Variants in TAF15 observed in about 807,000 individuals in gnomAD.
TAF15 encodes the protein TATA-box binding protein associated factor 15.
In TAF15, 37 loss-of-function variants were observed where a neutral mutation model predicts 102.5. The observed-to-expected ratio is 0.36, with a 90% CI of 0.28 to 0.47. The LOEUF (loss-of-function observed/expected upper bound fraction) is 0.47, where lower values mean the gene tolerates loss of function less well. TAF15 is among the 20% of genes least tolerant of loss of function. The probability of loss-of-function intolerance (pLI) is 0.99; values close to 1 mark genes in which losing one functional copy is unlikely to be tolerated. For synonymous variants in TAF15, 273 were observed against 259.2 expected (o/e 1.05, Z -0.51); for missense variants, 652 against 760.7 (o/e 0.86, Z 1.68).
chr17:35,834,240 A>T (rs2087442381), intron 8 of TAF15: 1 of 380,510 alleles, frequency 2.6e-6, no homozygotes, highest in Non-Finnish European at 4.6e-6. Context: ...ATTTGTTCTT[A>T]TAAAGGTAGC....
intron 11 of TAF15, among the ~76,000 whole-genome samples, chr17:35,841,875 T>A (rs2087552094): frequency 6.6e-6 from 1 of 152,056 alleles, no homozygotes; most frequent in Non-Finnish European, 1.5e-5. Context: ...TTAAAAAAAT[T>A]TTTTCAGAGA....
In TAF15 at chr17:35,822,643, A is replaced by G. The variant is rs1944877528; in HGVS notation, c.294A>G (p.Gln98=). 1.2e-6 allele frequency: 2 copies of G among 1,613,486 alleles called. No homozygotes were observed. The highest frequency in any genetic ancestry group is 1.3e-5 in the African/African-American group (1 of 74,922). The part of the protein sequence containing the change: ...QQQNMESSGS[Q]GGRAPSYDQP... ...TAAGTTCTCCATTTCTATTTAGCCAAGGTGGAAGAGCACCTTCCTATGACC... is the reference window on the plus strand; with the variant it reads ...TAAGTTCTCCATTTCTATTTAGCCAGGGTGGAAGAGCACCTTCCTATGACC... Residue 98 remains glutamine (Q), a synonymous_variant, in exon 6 of 16, where the codon CAA becomes CAG. Transcript: ENST00000605844.
At chr17:35,826,860 A>C (rs1409544815) in intron 7 of TAF15, among the ~76,000 whole-genome samples, 1 of 151,398 alleles carries the variant, frequency 6.6e-6, no homozygotes, top group African/African-American at 2.4e-5. Context: ...GCCTGGCTGA[A>C]GTTCATATTA....
In TAF15 at chr17:35,820,449, G is replaced by T. The variant is rs756614669; in HGVS notation, c.290+12G>T. 2 of 1,606,246 alleles carry T rather than the reference G, an allele frequency of 1.2e-6. No homozygotes were observed. Among genetic ancestry groups the T allele is most frequent in the African/African-American group, 2.7e-5 (2 of 74,710 alleles). ...GAATCATCAGGAAGGTAAGGAAATA[G>T]TAAAATACTGAGATTGTTTTGGGCA... On this transcript the variant is annotated intron_variant, in intron 5 of 15. Transcript: ENST00000605844.
chr17:35,816,071 C>T (rs775356220), intron 1 of TAF15, among the ~76,000 whole-genome samples: 5 of 152,148 alleles, frequency 3.3e-5, no homozygotes, highest in Non-Finnish European at 7.3e-5. Context: ...AAGCAGTACT[C>T]CTGTCCTGGC....
chr17:35,817,669 G>A (rs762808485), intron 1 of TAF15, 47 bp from the exon 2 acceptor site: 4 of 1,562,224 alleles, frequency 2.6e-6, no homozygotes, highest in African/African-American at 1.4e-5. Context: ...GCCTTTGAAG[G>A]AACCATAATT....
chr17:35,833,525 A>G (rs1160090237), intron 7 of TAF15: 1 of 174,366 alleles, frequency 5.7e-6, no homozygotes, highest in Non-Finnish European at 1.2e-5. Flanking sequence ...GTATTCTTCT[A>G]GTCTTTTTTC....
intron 1 of TAF15, among the ~76,000 whole-genome samples, chr17:35,816,046 C>A (rs374625371): frequency 1.3e-5 from 2 of 152,062 alleles, no homozygotes; most frequent in African/African-American, 4.8e-5. Context: ...ACTGCAGCCT[C>A]GACCTCCTGG....
At chr17:35,842,329 G>C (rs756245781) in intron 11 of TAF15, 38 bp from the exon 12 acceptor site, 6 of 1,491,232 alleles carry the variant, frequency 4.0e-6, no homozygotes, top group African/African-American at 1.4e-5. Flanking sequence ...TGGAGGTATA[G>C]AGTAGCATTG....
chr17:35,845,731 C>T (rs1254983086), intron 15 of TAF15, among the ~76,000 whole-genome samples: 1 of 152,212 alleles, frequency 6.6e-6, no homozygotes, highest in Admixed American at 6.5e-5. Context: ...TCGTGATCCA[C>T]CCGCCTCGGC....
Position 35,844,748 on chromosome 17 carries a change from A to T in TAF15, c.1449A>T (p.Arg483=). ...GDRGGGYGGD[R]GGYGGDRGGG... is the part of the protein sequence containing the mutation. ...GAGGAGGTGGCTATGGAGGAGATCG[A>T]GGTGGCTATGGAGGAGACCGAGGTG... The change falls in exon 15 of 16, where the codon CGA becomes CGT. Residue 483 remains arginine (R), a synonymous_variant. Transcript: ENST00000605844. The T allele has an allele frequency of 6.2e-7, 1 of 1,610,624 alleles. No homozygotes were observed. The highest frequency in any genetic ancestry group is 8.5e-7 in the Non-Finnish European group (1 of 1,178,726).
chr17:35,844,625 T>C lies in TAF15; in HGVS notation c.1326T>C (p.Ser442=), dbSNP rs868647545. 23 of 1,218,508 alleles carry C rather than the reference T, an allele frequency of 1.9e-5. No individual in the cohort carries two copies. Among genetic ancestry groups the C allele is most frequent in the Non-Finnish European group, 2.2e-5 (21 of 967,570 alleles). 75.5% of individuals were successfully genotyped at this position (1,218,508 alleles called of 1,614,324 possible). ...SSGGGYSGDR[S]GGGYGGDRSG... ...GTGGTGGCTACAGCGGAGATAGAAGTGGGGGCGGCTATGGTGGAGACAGAA... is the reference window on the plus strand; with the variant it reads ...GTGGTGGCTACAGCGGAGATAGAAGCGGGGGCGGCTATGGTGGAGACAGAA... The change falls in exon 15 of 16, where the codon AGT becomes AGC. Residue 442 remains serine (S), a synonymous_variant. Transcript: ENST00000605844.
chr17:35,847,199 T>C lies in TAF15; in HGVS notation c.*254T>C. 2 of 606,294 alleles carry C rather than the reference T, an allele frequency of 3.3e-6. No individual in the cohort carries two copies. The highest frequency in any genetic ancestry group is 2.0e-5 in the South Asian group (1 of 49,750). The allele number at this position is 606,294 out of a possible 1,614,324, so 37.6% of individuals were successfully genotyped here. On this transcript the variant is annotated 3_prime_UTR_variant, in exon 16 of 16. Coordinates refer to ENST00000605844, the MANE Select transcript of TAF15 (RefSeq NM_139215.3). ...AATATTGCCAAAATGAAAAGTGTTT[T>C]GTAATACTGCAATAAAGGCTGCTTG...
intron 7 of TAF15, among the ~76,000 whole-genome samples, chr17:35,827,579 G>A (rs2087346682): frequency 6.6e-6 from 1 of 151,932 alleles, no homozygotes; most frequent in Non-Finnish European, 1.5e-5. Flanking sequence ...GATGGTGGGT[G>A]CCTATAATCC....
At chr17:35,840,902 G>A (rs145925602) in intron 11 of TAF15, among the ~76,000 whole-genome samples, 31 of 152,002 alleles carry the variant, frequency 2.0e-4, no homozygotes, top group African/African-American at 6.7e-4. Flanking sequence ...GTCTGTCCCC[G>A]TCTCTGTATT....
At chr17:35,809,789 G>T (rs1198746358) in intron 1 of TAF15, 3 of 651,804 alleles carry the variant, frequency 4.6e-6, no homozygotes, top group Non-Finnish European at 7.9e-6. Context: ...AGCGCCTCGG[G>T]CCTCTTGTCT....
intron 7 of TAF15, among the ~76,000 whole-genome samples, chr17:35,831,248 AAAAC>A (rs1308334907): frequency 6.6e-6 from 1 of 151,886 alleles, no homozygotes; most frequent in Non-Finnish European, 1.5e-5. Context: ...TAAAAATACA[AAAAC>A]AAAAATTAGC....
At chr17:35,827,417 G>A (rs1220531857) in intron 7 of TAF15, among the ~76,000 whole-genome samples, 1 of 152,094 alleles carries the variant, frequency 6.6e-6, no homozygotes, top group Non-Finnish European at 1.5e-5. Flanking sequence ...AAAGAAGAAG[G>A]GGCATGGGCC....
chr17:35,824,284 G>A (rs549613111), intron 7 of TAF15, 86 bp downstream of exon 7: 19 of 1,545,230 alleles, frequency 1.2e-5, no homozygotes, highest in Non-Finnish European at 1.6e-5. Flanking sequence ...ATCAATTCCA[G>A]CATCTAATTT....
Sources: allele counts gnomAD v4.1 joint callset (sites outside exome capture counted in the v4.1 genomes callset), GRCh38; gene constraint gnomAD v4.1.1; transcripts MANE v1.5; gene names NCBI Gene and HGNC (gene_info 2026-07-23, HGNC 2026-07-21).